Variants in UBTD2 observed in about 807,000 individuals in gnomAD.
UBTD2 encodes the protein ubiquitin domain-containing protein 2.
Under a neutral mutation model 19.8 loss-of-function variants are expected in UBTD2, and 9 were observed. That is an observed-to-expected ratio of 0.46 (90% CI 0.27 to 0.79). The LOEUF is 0.79. Among genes scored for constraint, UBTD2 ranks in the 30% least tolerant of loss-of-function variants. UBTD2 has a pLI of 0.14. For missense variants in UBTD2, 250 were observed against 300.4 expected, an observed-to-expected ratio of 0.83 and a Z score of 1.24; for synonymous variants, 98 against 103.9, an observed-to-expected ratio of 0.94 and a Z score of 0.35.
At chr5:172,262,804 G>T (rs1274819113) in intron 1 of UBTD2, among the ~76,000 whole-genome samples, 2 of 152,120 alleles carry the variant, frequency 1.3e-5, no homozygotes, top group Non-Finnish European at 2.9e-5. Context: ...GACAGAGCAA[G>T]ACTCATCTCA....
In UBTD2 at chr5:172,229,057, A is replaced by G. The variant is rs1311793876; in HGVS notation, c.307+5065T>C. 2.0e-5 allele frequency among the ~76,000 whole-genome samples: 3 copies of G among 152,180 alleles called. No homozygotes were observed. The East Asian group carries it at 5.8e-4, about 29-fold the overall frequency. ...CCCTTAAGGGTTAAGGACAAAAGAA[A>G]CAGGTCCTCAAAAGCCAAACTGAAG... On this transcript the variant is annotated intron_variant, in intron 2 of 2. Transcript: ENST00000393792.
chr5:172,210,710 G>C lies in UBTD2; in HGVS notation c.*1120C>G, dbSNP rs771395084. 1.3e-5 allele frequency: 2 copies of C among 152,130 alleles called. No individual in the cohort carries two copies. The highest frequency in any genetic ancestry group is 2.4e-5 in the African/African-American group (1 of 41,436). The allele number at this position is 152,130 out of a possible 1,614,324, so 9.4% of individuals were successfully genotyped here. A position where few individuals can be genotyped will look rare whatever the true frequency, so the allele number is the denominator to read the frequency against. ...TTCATTATTTGGTCTCACTGCTAATGTTTATGTGACACCAGTAAATCTTTC... is the reference window on the plus strand; with the variant it reads ...TTCATTATTTGGTCTCACTGCTAATCTTTATGTGACACCAGTAAATCTTTC... On this transcript the variant is annotated 3_prime_UTR_variant, in exon 3 of 3. Transcript: ENST00000393792.
At chr5:172,225,933 C>CTTTTTTT (rs57155195) in intron 2 of UBTD2, among the ~76,000 whole-genome samples, 27 of 107,498 alleles carry the variant, frequency 2.5e-4, no homozygotes, top group East Asian at 5.2e-4. Flanking sequence ...GGCTTAAACT[C>CTTTTTTT]TTTTTTTTTT....
At chr5:172,245,066 C>T (rs1242100983) in intron 1 of UBTD2, among the ~76,000 whole-genome samples, 4 of 152,086 alleles carry the variant, frequency 2.6e-5, no homozygotes, top group Admixed American at 6.6e-5. Flanking sequence ...GCAATAGTAG[C>T]GGTAGAGTGG....
At chr5:172,256,000 A>C (rs575023441) in intron 1 of UBTD2, among the ~76,000 whole-genome samples, 1 of 152,014 alleles carries the variant, frequency 6.6e-6, no homozygotes, top group African/African-American at 2.4e-5. Flanking sequence ...GAGGCAGGAG[A>C]ATCGCTTGAA....
At chr5:172,234,408 T>C (rs1280020676) in intron 1 of UBTD2, 50 bp from the exon 2 acceptor site, 14 of 1,494,536 alleles carry the variant, frequency 9.4e-6, no homozygotes, top group Non-Finnish European at 1.3e-5. Context: ...TTATAAAATA[T>C]GTATCAAAAG....
rs74840943 is a variant in UBTD2, at chr5:172,231,471, C to T, written c.307+2651G>A. 1.1e-3 allele frequency among the ~76,000 whole-genome samples: 169 copies of T among 152,222 alleles called. 1 individual carries two copies. Among genetic ancestry groups the T allele is most frequent in the African/African-American group, 3.9e-3 (160 of 41,548 alleles). On this transcript the variant is annotated intron_variant, in intron 2 of 2. Transcript: ENST00000393792. ...CTGATCTGCTGGTAGGCAGGGCTGC[C>T]GGGAACATTTTCCACAGAGAAGCAG...
At chr5:172,263,681 C>G (rs1158162770) in intron 1 of UBTD2, among the ~76,000 whole-genome samples, 2 of 152,102 alleles carry the variant, frequency 1.3e-5, no homozygotes, top group East Asian at 3.9e-4. Context: ...GTGGTCCCAG[C>G]TACTCCGGAG....
chr5:172,219,805 C>T (rs1357178539), intron 2 of UBTD2, among the ~76,000 whole-genome samples: 1 of 152,096 alleles, frequency 6.6e-6, no homozygotes. Context: ...GCGTGACAAG[C>T]GATTAGTTCA....
rs1446991496 is a variant in UBTD2, at chr5:172,211,360, AAACAAAACAAAAC to A, written c.*457_*469del. The A allele has an allele frequency of 1.7e-5, 2 of 115,214 alleles. No homozygotes were observed. The highest frequency in any genetic ancestry group is 5.4e-5 in the African/African-American group (2 of 36,912). 7.1% of individuals were successfully genotyped at this position (115,214 alleles called of 1,614,324 possible). On this transcript the variant is annotated 3_prime_UTR_variant, in exon 3 of 3. Coordinates refer to ENST00000393792, the MANE Select transcript of UBTD2 (RefSeq NM_152277.3). ...AGTTTCCATTAACCAAAACAAAACA[AAACAAAACAAAAC>A]AAAACAAAACAAAACAAAAAGGTTA...
At chr5:172,255,568 C>T (rs541912821) in intron 1 of UBTD2, 36 of 255,856 alleles carry the variant, frequency 1.4e-4, no homozygotes, top group East Asian at 2.7e-4. Flanking sequence ...GGGTTCCGGG[C>T]GGCGTTGACG....
chr5:172,279,961 C>G (rs879745825), intron 1 of UBTD2, among the ~76,000 whole-genome samples: 5 of 152,088 alleles, frequency 3.3e-5, no homozygotes, highest in Non-Finnish European at 7.4e-5. Flanking sequence ...ATTAGCCAGG[C>G]ACGGTGGCGC....
rs1032245690 is a variant in UBTD2 at position 172,236,789 on chromosome 5, TGAGA to T, written c.71-2435_71-2432del. On this transcript the variant is annotated intron_variant, in intron 1 of 2. Coordinates refer to ENST00000393792, the MANE Select transcript of UBTD2 (RefSeq NM_152277.3). ...CTCAGTATAATTTTTCCTGTCATTC[TGAGA>T]GAATTACAAAGCATGGACAAAAACA... 5.9e-5 allele frequency among the ~76,000 whole-genome samples: 9 copies of T among 152,214 alleles called. 1 individual carries two copies. Among genetic ancestry groups the T allele is most frequent in the Admixed American group, 2.6e-4 (4 of 15,272 alleles).
At chr5:172,262,461 A>C (rs548362547) in intron 1 of UBTD2, among the ~76,000 whole-genome samples, 2 of 151,286 alleles carry the variant, frequency 1.3e-5, no homozygotes, top group East Asian at 3.9e-4. Context: ...AAAAAAAAAA[A>C]AAAAAAACAA....
intron 2 of UBTD2, among the ~76,000 whole-genome samples, chr5:172,228,241 G>A (rs1443922621): frequency 1.3e-5 from 2 of 152,176 alleles, no homozygotes; most frequent in South Asian, 2.1e-4. Flanking sequence ...ACAGGGAGAT[G>A]AAATGACTTG....
intron 1 of UBTD2, among the ~76,000 whole-genome samples, chr5:172,277,621 G>A (rs1225315084): frequency 6.6e-6 from 1 of 151,882 alleles, no homozygotes; most frequent in East Asian, 1.9e-4. Flanking sequence ...CAGGAAGATT[G>A]GCTAAGCCCC....
At chr5:172,236,422 AAC>A (rs1772010420) in intron 1 of UBTD2, among the ~76,000 whole-genome samples, 1 of 152,236 alleles carries the variant, frequency 6.6e-6, no homozygotes, top group African/African-American at 2.4e-5. Context: ...AAATGCGAGA[AAC>A]ACAGTCTATA....
At chr5:172,263,517 G>A (rs566463854) in intron 1 of UBTD2, among the ~76,000 whole-genome samples, 2 of 152,268 alleles carry the variant, frequency 1.3e-5, no homozygotes, top group East Asian at 1.9e-4. Flanking sequence ...AGTAGGGGCC[G>A]GGTGCGGTGG....
chr5:172,283,684 G>T lies in UBTD2; in HGVS notation c.-19C>A. 8.1e-7 allele frequency: 1 copy of T among 1,229,358 alleles called. No individual in the cohort carries two copies. The highest frequency in any genetic ancestry group is 1.0e-6 in the Non-Finnish European group (1 of 983,096). 76.2% of individuals were successfully genotyped at this position (1,229,358 alleles called of 1,614,324 possible). A position where few individuals can be genotyped will look rare whatever the true frequency, so the allele number is the denominator to read the frequency against. ...CGCCCATGGGGGCCCCCGGCGCCTC[G>T]TCCGCCACCTCCGGACGCTCGTCCG... On this transcript the variant is annotated 5_prime_UTR_variant, in exon 1 of 3. Coordinates refer to ENST00000393792, the MANE Select transcript of UBTD2 (RefSeq NM_152277.3). The surrounding 1 kb of genome is among the most constrained non-coding windows in gnomAD (Gnocchi z 4.3).
Sources: gnomAD v4.1 joint callset for allele counts (sites outside exome capture counted in the v4.1 genomes callset) on GRCh38, gnomAD v4.1.1 for gene constraint, Gnocchi (gnomAD v3.1) non-coding constraint, MANE v1.5 for transcripts, NCBI Gene and HGNC (gene_info 2026-07-23, HGNC 2026-07-21) for gene names.